The following TBC1D24 variants were observed in gnomAD, a reference collection of about 807,000 sequenced individuals.
TBC1D24 encodes Infantile myoclonic epilepsy.
A neutral mutation model predicts 50.7 loss-of-function variants in TBC1D24; 47 were observed. The ratio of observed to expected loss-of-function variants is 0.93; its 90% CI spans 0.73 to 1.18. The LOEUF is 1.18. Ranked by LOEUF, TBC1D24 falls within the 50% of genes most tolerant of loss-of-function variation. TBC1D24 has a pLI of 0.00. For synonymous variants in TBC1D24, 324 were observed against 335.2 expected, an observed-to-expected ratio of 0.97 and a Z score of 0.36; for missense variants, 688 against 766.5, an observed-to-expected ratio of 0.90 and a Z score of 1.21.
intron 1 of TBC1D24, among the ~76,000 whole-genome samples, chr16:2,491,331 G>A (rs2141865040): frequency 6.6e-6 from 1 of 151,734 alleles, no homozygotes; most frequent in East Asian, 1.9e-4. Context: ...TTTAACCTAA[G>A]GAAACCAATC....
Position 2,496,498 on chromosome 16 carries a change from TC to T in TBC1D24, c.352del (p.Leu118SerfsTer51). The part of the protein sequence containing the change: ...NARGEGAVRK[I>X]LLCLANQFPD... ...CGCGGCGAGGGGGCCGTGCGCAAGA[TC>T]CTCCTGTGCCTGGCCAACCAGTTCC... is the stretch of plus-strand genomic sequence containing the variant. On this transcript the variant is annotated frameshift_variant, in exon 2 of 8. Coordinates refer to ENST00000646147, the MANE Select transcript of TBC1D24 (RefSeq NM_001199107.2). LOFTEE classifies it high-confidence loss of function. The T allele has an allele frequency of 4.3e-6, 7 of 1,609,710 alleles. No individual in the cohort carries two copies. The highest frequency in any genetic ancestry group is 5.1e-6 in the Non-Finnish European group (6 of 1,179,904).
At position 2,496,587 on chromosome 16, in the gene TBC1D24, G is replaced by C. The variant is rs267607103; in HGVS notation, c.439G>C (p.Asp147His). 3 of 1,609,514 alleles carry C rather than the reference G, an allele frequency of 1.9e-6. No individual in the cohort carries two copies. The highest frequency in any genetic ancestry group is 2.5e-6 in the Non-Finnish European group (3 of 1,180,012). Residue 147 changes from aspartate to histidine, a missense_variant, in exon 2 of 8, where the codon GAC becomes CAC. Coordinates refer to ENST00000646147, the MANE Select transcript of TBC1D24 (RefSeq NM_001199107.2). ...VVALLLHYSI[D>H]EAECFEKACR... ...GGCCCTGCTGCTGCACTACAGCATC[G>C]ACGAGGCCGAGTGCTTCGAGAAGGC...
rs1169760197 is a variant in TBC1D24 at position 2,504,915 on chromosome 16, T to C, written c.*3957T>C. The C allele has an allele frequency of 6.6e-6, 1 of 152,162 alleles. No homozygotes were observed. The highest frequency in any genetic ancestry group is 1.9e-4 in the East Asian group (1 of 5,200). The allele number at this position is 152,162 out of a possible 1,614,324, so 9.4% of individuals were successfully genotyped here. ...TCATATAGATTTTTTTCCTCCCTTT[T>C]TGTGGAGAACATAGTCTTGCTGTGT... On this transcript the variant is annotated 3_prime_UTR_variant, in exon 8 of 8. Transcript: ENST00000646147.
chr16:2,484,846 C>T (rs2065636839), intron 1 of TBC1D24: 1 of 152,278 alleles, frequency 6.6e-6, no homozygotes, highest in Admixed American at 6.5e-5. Context: ...GTTCCCTGGC[C>T]TTTCCCAGCA....
chr16:2,496,576 A>C lies in TBC1D24; in HGVS notation c.428A>C (p.His143Pro). Residue 143 changes from histidine to proline, a missense_variant, in exon 2 of 8, where the codon CAC becomes CCC. By Grantham distance (77) the His-to-Pro change is moderately conservative (BLOSUM62 -2). Coordinates refer to ENST00000646147, the MANE Select transcript of TBC1D24 (RefSeq NM_001199107.2). ...ALPAVVALLL[H>P]YSIDEAECFE... Reference sequence around the variant, plus strand: ...CCGGCCGTGGTGGCCCTGCTGCTGCACTACAGCATCGACGAGGCCGAGTGC... The same window carrying C: ...CCGGCCGTGGTGGCCCTGCTGCTGCCCTACAGCATCGACGAGGCCGAGTGC... The C allele has an allele frequency of 6.2e-7, 1 of 1,609,268 alleles. No homozygotes were observed. Among genetic ancestry groups the C allele is most frequent in the East Asian group, 2.2e-5 (1 of 44,876 alleles).
chr16:2,496,480 AG>A lies in TBC1D24; in HGVS notation c.337del (p.Ala113ProfsTer56). ...AGCTACTGCCTGAATGCACGCGGCG[AG>A]GGGGCCGTGCGCAAGATCCTCCTGT... is the stretch of plus-strand genomic sequence containing the variant. ...VPSYCLNARGEGAVRKILLCL... is the reference protein window; with the variant it reads ...VPSYCLNARGXGAVRKILLCL... On this transcript the variant is annotated frameshift_variant, in exon 2 of 8. Transcript: ENST00000646147. LOFTEE classifies it high-confidence loss of function. 1 of 1,610,730 alleles carries A rather than the reference AG, an allele frequency of 6.2e-7. No homozygotes were observed. The highest frequency in any genetic ancestry group is 8.5e-7 in the Non-Finnish European group (1 of 1,179,862).
rs1185607615 is a variant in TBC1D24, at chr16:2,487,618, CTGGAGTTTGGTGTTGGAGTTTGGTGT to C, written c.-115-8403_-115-8378del. Among the ~76,000 whole-genome samples, 1 of 147,648 alleles carries C rather than the reference CTGGAGTTTGGTGTTGGAGTTTGGTGT, an allele frequency of 6.8e-6. No homozygotes were observed. Among genetic ancestry groups the C allele is most frequent in the African/African-American group, 2.5e-5 (1 of 39,744 alleles). On this transcript the variant is annotated intron_variant, in intron 1 of 7. Transcript: ENST00000646147. The surrounding 1 kb of genome is among the most constrained non-coding windows in gnomAD (Gnocchi z 4.1). ...TGGAGTTTGGTGCTGGAGTTTTGTGCTGGAGTTTGGTGTTGGAGTTTGGTGTTGGAGTTTGGTGCTGGAGTTTGGTG... is the reference window on the plus strand; with the variant it reads ...TGGAGTTTGGTGCTGGAGTTTTGTGCTGGAGTTTGGTGCTGGAGTTTGGTG...
At position 2,503,500 on chromosome 16, in the gene TBC1D24, C is replaced by T. The variant is rs1481324000; in HGVS notation, c.*2542C>T. 6.7e-6 allele frequency: 1 copy of T among 149,522 alleles called. No homozygotes were observed. The highest frequency in any genetic ancestry group is 2.1e-4 in the South Asian group (1 of 4,802). 9.3% of individuals were successfully genotyped at this position (149,522 alleles called of 1,614,324 possible). On this transcript the variant is annotated 3_prime_UTR_variant, in exon 8 of 8. Coordinates refer to ENST00000646147, the MANE Select transcript of TBC1D24 (RefSeq NM_001199107.2). The stretch of plus-strand genomic sequence containing the variant: ...ATTCTTTGTTTAAAAAAAAAAAAAG[C>T]CAACATTTGTTGAAACTGCATAATA...
Position 2,500,353 on chromosome 16 carries a change from C to T in TBC1D24, c.1388C>T (p.Pro463Leu), listed in dbSNP as rs756809873. ...TKPPPLMAAE[P>L]TAPLSHSASS... ...CCCCCACCCTTGATGGCTGCCGAGC[C>T]CACCGCCCCACTCAGCCACTCCGCC... is the stretch of plus-strand genomic sequence containing the variant. The change falls in exon 7 of 8, where the codon CCC becomes CTC. Residue 463 changes from proline to leucine, a missense_variant. By Grantham distance (98) the Pro-to-Leu change is moderately conservative. Coordinates refer to ENST00000646147, the MANE Select transcript of TBC1D24 (RefSeq NM_001199107.2). This position sits in a 1 kb window ranked among gnomAD's most constrained non-coding sequence, Gnocchi z 8.0. 2.5e-6 allele frequency: 4 copies of T among 1,610,034 alleles called. No homozygotes were observed. The highest frequency in any genetic ancestry group is 3.4e-6 in the Non-Finnish European group (4 of 1,178,862).
At chr16:2,493,869 C>T (rs902267791) in intron 1 of TBC1D24, among the ~76,000 whole-genome samples, 1 of 152,228 alleles carries the variant, frequency 6.6e-6, no homozygotes, top group Non-Finnish European at 1.5e-5. Context: ...AAACACCAAC[C>T]ACCCCCACTT....
chr16:2,505,547 G>GA lies in TBC1D24; in HGVS notation c.*4594dup, dbSNP rs2065828269. On this transcript the variant is annotated 3_prime_UTR_variant, in exon 8 of 8. Transcript: ENST00000646147. ...CTTACGAAGGATGGTTATCGGGCTG[G>GA]AAAAATGTTTATTGGACTGATGCTT... The GA allele has an allele frequency of 6.6e-6, 1 of 152,220 alleles. No homozygotes were observed. Among genetic ancestry groups the GA allele is most frequent in the African/African-American group, 2.4e-5 (1 of 41,454 alleles). The allele number at this position is 152,220 out of a possible 1,614,324, so 9.4% of individuals were successfully genotyped here.
Position 2,499,931 on chromosome 16 carries a change from G to A in TBC1D24, c.1302+1G>A, listed in dbSNP as rs767616057. ...GACCGGAGAATGCTTTGTGTTTAGGGTGAGTGGGGCCAAGTGTCCCCAAAC... is the reference window on the plus strand; with the variant it reads ...GACCGGAGAATGCTTTGTGTTTAGGATGAGTGGGGCCAAGTGTCCCCAAAC... On this transcript the variant is annotated splice_donor_variant, in intron 6 of 7. Transcript: ENST00000646147. LOFTEE classifies it high-confidence loss of function. The surrounding 1 kb of genome is among the most constrained non-coding windows in gnomAD (Gnocchi z 4.0). 1 of 1,613,884 alleles carries A rather than the reference G, an allele frequency of 6.2e-7. No individual in the cohort carries two copies.
chr16:2,476,234 T>G (rs1389134231), intron 1 of TBC1D24, among the ~76,000 whole-genome samples: 3 of 152,216 alleles, frequency 2.0e-5, no homozygotes, highest in African/African-American at 7.2e-5. Context: ...GGGCTCCGTC[T>G]TCACAGTCTG....
Position 2,496,416 on chromosome 16 carries a change from C to G in TBC1D24, c.268C>G (p.Leu90Val). 6.2e-7 allele frequency: 1 copy of G among 1,613,056 alleles called. No homozygotes were observed. The highest frequency in any genetic ancestry group is 8.5e-7 in the Non-Finnish European group (1 of 1,179,966). The change falls in exon 2 of 8, where the codon CTG becomes GTG. Residue 90 changes from leucine to valine, a missense_variant. Coordinates refer to ENST00000646147, the MANE Select transcript of TBC1D24 (RefSeq NM_001199107.2). Reference sequence around the variant, plus strand: ...CGTGGGCAAGCACAGCAGCAGCTGCCTGCCGCTGCCCGAGTTCGTGGACAA... The same window carrying G: ...CGTGGGCAAGCACAGCAGCAGCTGCGTGCCGCTGCCCGAGTTCGTGGACAA... The part of the protein sequence containing the change: ...KIVGKHSSSC[L>V]PLPEFVDNTQ...
At position 2,500,823 on chromosome 16, in the gene TBC1D24, G is replaced by T; in HGVS notation, c.1545G>T (p.Ala515=). The T allele has an allele frequency of 1.2e-6, 2 of 1,606,728 alleles. No homozygotes were observed. Among genetic ancestry groups the T allele is most frequent in the Non-Finnish European group, 1.7e-6 (2 of 1,179,772 alleles). The part of the protein sequence containing the change: ...CLIVGGGGGQ[A]LYIDGDLNRG... ...CTGCAGGGGGAGGAGGCGGCCAGGC[G>T]CTCTACATCGATGGGGACCTGAACC... is the stretch of plus-strand genomic sequence containing the variant. Residue 515 remains alanine (A), a synonymous_variant, in exon 8 of 8, where the codon GCG becomes GCT. Coordinates refer to ENST00000646147, the MANE Select transcript of TBC1D24 (RefSeq NM_001199107.2). The surrounding 1 kb of genome is among the most constrained non-coding windows in gnomAD (Gnocchi z 8.0).
rs960801613 is a variant in TBC1D24 at position 2,503,275 on chromosome 16, T to C, written c.*2317T>C. 2 of 152,246 alleles carry C rather than the reference T, an allele frequency of 1.3e-5. No homozygotes were observed. The highest frequency in any genetic ancestry group is 4.8e-5 in the African/African-American group (2 of 41,474). The allele number at this position is 152,246 out of a possible 1,614,324, so 9.4% of individuals were successfully genotyped here. ...TTTCTTTAAATTTAATATCTTTTCC[T>C]AACTTTTCTACTAACCTAGAAGGTA... On this transcript the variant is annotated 3_prime_UTR_variant, in exon 8 of 8. Coordinates refer to ENST00000646147, the MANE Select transcript of TBC1D24 (RefSeq NM_001199107.2).
chr16:2,498,197 A>G (rs746671296), intron 3 of TBC1D24, 41 bp from the exon 4 acceptor site: 1 of 1,561,120 alleles, frequency 6.4e-7, no homozygotes, highest in Admixed American at 1.9e-5. Flanking sequence ...GCCTGGCCCC[A>G]GACGTGCCTT....
chr16:2,499,216 G>T lies in TBC1D24; in HGVS notation c.1143-141G>T, dbSNP rs1260603291. 4 of 762,066 alleles carry T rather than the reference G, an allele frequency of 5.2e-6. No individual in the cohort carries two copies. The highest frequency in any genetic ancestry group is 9.2e-6 in the Non-Finnish European group (4 of 435,224). The allele number at this position is 762,066 out of a possible 1,614,324, so 47.2% of individuals were successfully genotyped here. A position where few individuals can be genotyped will look rare whatever the true frequency, so the allele number is the denominator to read the frequency against. On this transcript the variant is annotated intron_variant, in intron 4 of 7. Coordinates refer to ENST00000646147, the MANE Select transcript of TBC1D24 (RefSeq NM_001199107.2). This position sits in a 1 kb window ranked among gnomAD's most constrained non-coding sequence, Gnocchi z 4.0. ...AGGGCCAGGTGAGAAGAACACCTGG[G>T]TGAGGGTGTTGTCGGGACCCAGAGA...
rs753452203 is a variant in TBC1D24 at position 2,499,408 on chromosome 16, C to T, written c.1194C>T (p.Thr398=). ...AGCCTACCCTCTTGCTCATCAAGAC[C>T]ACGCAGAAGGAGGTGAGCAGGGGCC... ...GHEPTLLLIK[T]TQKEVCGAYL... is the part of the protein sequence containing the mutation. Residue 398 remains threonine (T), a synonymous_variant, in exon 5 of 8, where the codon ACC becomes ACT. Coordinates refer to ENST00000646147, the MANE Select transcript of TBC1D24 (RefSeq NM_001199107.2). The surrounding 1 kb of genome is among the most constrained non-coding windows in gnomAD (Gnocchi z 4.0). The T allele has an allele frequency of 6.2e-7, 1 of 1,613,618 alleles. No homozygotes were observed. Among genetic ancestry groups the T allele is most frequent in the South Asian group, 1.1e-5 (1 of 90,986 alleles).
Sources: gnomAD v4.1 joint callset for allele counts (sites outside exome capture counted in the v4.1 genomes callset) on GRCh38, gnomAD v4.1.1 for gene constraint, Gnocchi (gnomAD v3.1) non-coding constraint, MANE v1.5 for transcripts, NCBI Gene and HGNC (gene_info 2026-07-23, HGNC 2026-07-21) for gene names.